CNTNAP5: variants seen among roughly 807,000 people sequenced by gnomAD.
CNTNAP5 encodes contactin associated protein family member 5, also known as contactin-associated protein-like 5.
Under a neutral mutation model 150.2 loss-of-function variants are expected in CNTNAP5, and 72 were observed. That is an observed-to-expected ratio of 0.48 (90% CI 0.40 to 0.58). CNTNAP5 has a LOEUF of 0.58. Among genes scored for constraint, CNTNAP5 ranks in the 20% least tolerant of loss-of-function variants. The pLI is 0.00. For missense variants in CNTNAP5, 1,636 were observed against 1,626.2 expected (o/e 1.01, Z -0.10); for synonymous variants, 672 against 619.8 (o/e 1.08, Z -1.25).
At chr2:124,231,608 A>G (rs1402333756) in intron 2 of CNTNAP5, among the ~76,000 whole-genome samples, 1 of 152,164 alleles carries the variant, frequency 6.6e-6, no homozygotes, top group Non-Finnish European at 1.5e-5. Context: ...CAAGGAAGAA[A>G]GAGAAACCTA....
chr2:124,204,589 A>G (rs1338662112), intron 1 of CNTNAP5, among the ~76,000 whole-genome samples: 1 of 152,236 alleles, frequency 6.6e-6, no homozygotes, highest in Non-Finnish European at 1.5e-5. Context: ...AAAGAGGTTT[A>G]ATGCACTCAT....
rs570473216 is a variant in CNTNAP5, at chr2:124,282,351, T to C, written c.381+39958T>C. Reference sequence around the variant, plus strand: ...AAGAACTAGGTGTTCAATAAGCAAATGTCATGTCTTTGAAATGAAAATGAT... The same window carrying C: ...AAGAACTAGGTGTTCAATAAGCAAACGTCATGTCTTTGAAATGAAAATGAT... On this transcript the variant is annotated intron_variant, in intron 3 of 23. Coordinates refer to ENST00000682447, the MANE Select transcript of CNTNAP5 (RefSeq NM_001367498.1). Among the ~76,000 whole-genome samples, 61 of 152,304 alleles carry C rather than the reference T, an allele frequency of 4.0e-4. 1 individual carries two copies. Among genetic ancestry groups the C allele is most frequent in the Non-Finnish European group, 7.5e-4 (51 of 68,010 alleles).
At chr2:124,845,498 A>T (rs192296379) in intron 19 of CNTNAP5, among the ~76,000 whole-genome samples, 89 of 148,822 alleles carry the variant, frequency 6.0e-4, no homozygotes, top group Middle Eastern at 3.5e-3. Flanking sequence ...TAATGGCTTC[A>T]TAGAGTGATT....
chr2:124,849,717 C>T (rs866517638), intron 19 of CNTNAP5, among the ~76,000 whole-genome samples: 7 of 152,066 alleles, frequency 4.6e-5, no homozygotes, highest in African/African-American at 7.2e-5. Flanking sequence ...CTTTCATCAG[C>T]GTCATACACA....
intron 1 of CNTNAP5, among the ~76,000 whole-genome samples, chr2:124,154,442 G>GA (rs1684478100): frequency 6.6e-6 from 1 of 152,092 alleles, no homozygotes; most frequent in South Asian, 2.1e-4. Context: ...TGGGAAATGC[G>GA]AAGGGCCAGT....
chr2:124,229,687 A>T (rs1397264118), intron 2 of CNTNAP5, among the ~76,000 whole-genome samples: 2 of 152,122 alleles, frequency 1.3e-5, no homozygotes, highest in Non-Finnish European at 2.9e-5. Flanking sequence ...TGATCTCGGC[A>T]TTAGAGTCAG....
chr2:124,058,075 T>A (rs1681904648), intron 1 of CNTNAP5, among the ~76,000 whole-genome samples: 1 of 152,134 alleles, frequency 6.6e-6, no homozygotes, highest in Non-Finnish European at 1.5e-5. Context: ...GTCAGCAGTG[T>A]CTTTTGGGAT....
chr2:124,596,883 C>T (rs1696838164), intron 11 of CNTNAP5, among the ~76,000 whole-genome samples: 1 of 63,906 alleles, frequency 1.6e-5, no homozygotes, highest in African/African-American at 4.3e-5. Flanking sequence ...GATCCCTTTA[C>T]CATTATGTAA....
At chr2:124,860,552 C>A (rs1677504235) in intron 19 of CNTNAP5, among the ~76,000 whole-genome samples, 1 of 146,528 alleles carries the variant, frequency 6.8e-6, no homozygotes, top group Non-Finnish European at 1.5e-5. Flanking sequence ...TCCTTCTCTC[C>A]TTTCTTTCTC....
At chr2:124,477,507 G>A (rs1693669339) in intron 7 of CNTNAP5, among the ~76,000 whole-genome samples, 1 of 152,020 alleles carries the variant, frequency 6.6e-6, no homozygotes, top group Admixed American at 6.6e-5. Flanking sequence ...GCTAGGGAGG[G>A]ATTAATTACC....
chr2:124,550,246 C>T (rs1267389229), intron 10 of CNTNAP5, among the ~76,000 whole-genome samples: 2 of 151,996 alleles, frequency 1.3e-5, no homozygotes, highest in Non-Finnish European at 2.9e-5. Flanking sequence ...AAAATAAAAC[C>T]CCACAATTTG....
chr2:124,775,703 C>T (rs948478985), intron 17 of CNTNAP5, among the ~76,000 whole-genome samples: 16 of 152,144 alleles, frequency 1.1e-4, no homozygotes, highest in African/African-American at 3.1e-4. Flanking sequence ...TGTTATATCA[C>T]CATGATGGTT....
chr2:124,529,058 G>GTT (rs777056828), intron 10 of CNTNAP5, among the ~76,000 whole-genome samples: 1 of 140,784 alleles, frequency 7.1e-6, no homozygotes, highest in Non-Finnish European at 1.6e-5. Flanking sequence ...CTTCTGCTTT[G>GTT]TTTTTTTTTT....
intron 1 of CNTNAP5, among the ~76,000 whole-genome samples, chr2:124,115,903 A>G (rs1341520265): frequency 6.6e-6 from 1 of 151,272 alleles, no homozygotes; most frequent in East Asian, 2.0e-4. Flanking sequence ...TCAGTCTCTC[A>G]AGGTGCTGGG....
intron 1 of CNTNAP5, among the ~76,000 whole-genome samples, chr2:124,089,682 C>T (rs1682771540): frequency 6.6e-6 from 1 of 152,152 alleles, no homozygotes; most frequent in African/African-American, 2.4e-5. Flanking sequence ...GATCTTGCTC[C>T]CAGTCCAGAT....
At chr2:124,048,665 G>A (rs773937431) in intron 1 of CNTNAP5, among the ~76,000 whole-genome samples, 1 of 151,968 alleles carries the variant, frequency 6.6e-6, no homozygotes, top group African/African-American at 2.4e-5. Context: ...CTTTTTTGTT[G>A]GTAAATATGC....
At chr2:124,349,874 C>CTATTTCTTTTTTTTTT (rs1689830963) in intron 3 of CNTNAP5, among the ~76,000 whole-genome samples, 1 of 81,840 alleles carries the variant, frequency 1.2e-5, no homozygotes, top group Non-Finnish European at 2.2e-5. Flanking sequence ...CTGGCTATTT[C>CTATTTCTTTTTTTTTT]TTTTTTTTTT....
chr2:124,042,920 A>G (rs1448886764), intron 1 of CNTNAP5, among the ~76,000 whole-genome samples: 4 of 152,202 alleles, frequency 2.6e-5, no homozygotes, highest in Non-Finnish European at 2.9e-5. Context: ...AGGAAAGGCC[A>G]TGAACCAATC....
At chr2:124,677,443 G>A (rs1026618520) in intron 13 of CNTNAP5, among the ~76,000 whole-genome samples, 4 of 152,206 alleles carry the variant, frequency 2.6e-5, no homozygotes, top group Non-Finnish European at 5.9e-5. Flanking sequence ...GCTGCTGGCT[G>A]GGGTGGCCAG....
Sources: allele counts gnomAD v4.1 joint callset (sites outside exome capture counted in the v4.1 genomes callset), GRCh38; gene constraint gnomAD v4.1.1; transcripts MANE v1.5; gene names NCBI Gene and HGNC (gene_info 2026-07-23, HGNC 2026-07-21).